The following ZNF362 variants were observed in gnomAD, a reference collection of about 807,000 sequenced individuals.
The protein encoded by ZNF362 is rotund homolog.
Under a neutral mutation model 42.9 loss-of-function variants are expected in ZNF362, and 11 were observed. That is an observed-to-expected ratio of 0.26 (90% confidence interval 0.16 to 0.42). The LOEUF is 0.42. Ranked by LOEUF, ZNF362 falls within the 20% of genes least tolerant of loss-of-function variation. ZNF362 has a pLI of 1.00. For synonymous variants in ZNF362, 255 were observed against 257.3 expected, an observed-to-expected ratio of 0.99 and a Z score of 0.09; for missense variants, 362 against 576.2, an observed-to-expected ratio of 0.63 and a Z score of 3.81.
chr1:33,168,582 TGA>T, the ZNF362 span, among the ~76,000 whole-genome samples: 2 of 152,194 alleles, frequency 1.3e-5, no homozygotes, highest in African/African-American at 4.8e-5. Flanking sequence ...TTGTCTTACA[TGA>T]GAGAGAAACG....
At chr1:33,170,662 A>G in the ZNF362 span, among the ~76,000 whole-genome samples, 1 of 152,002 alleles carries the variant, frequency 6.6e-6, no homozygotes, top group South Asian at 2.1e-4. Context: ...ACTTAGGAAA[A>G]CCAAACCCTA....
At chr1:33,153,851 C>A in the ZNF362 span, among the ~76,000 whole-genome samples, 1 of 152,202 alleles carries the variant, frequency 6.6e-6, no homozygotes, top group Non-Finnish European at 1.5e-5. Context: ...CATTTATCGA[C>A]AAACATTTGC....
the ZNF362 span, among the ~76,000 whole-genome samples, chr1:33,175,284 C>T: frequency 3.6e-4 from 54 of 151,914 alleles, no homozygotes; most frequent in East Asian, 7.0e-3. Context: ...TCAGGTGATC[C>T]GCCTGCCTTG....
At chr1:33,196,509 G>A in the ZNF362 span, among the ~76,000 whole-genome samples, 1 of 152,174 alleles carries the variant, frequency 6.6e-6, no homozygotes, top group African/African-American at 2.4e-5. Flanking sequence ...CCCACTGGAA[G>A]GTTATCAGGG....
intron 1 of ZNF362, among the ~76,000 whole-genome samples, chr1:33,262,526 C>G (rs1001176580): frequency 6.6e-6 from 1 of 152,002 alleles, no homozygotes; most frequent in Non-Finnish European, 1.5e-5. Context: ...CCAGGATGGT[C>G]TCGATCTCCT....
chr1:33,219,106 C>T, the ZNF362 span, among the ~76,000 whole-genome samples: 1 of 152,132 alleles, frequency 6.6e-6, no homozygotes, highest in African/African-American at 2.4e-5. Context: ...AACCTCTAAA[C>T]ATTGAAGAGA....
the ZNF362 span, among the ~76,000 whole-genome samples, chr1:33,133,876 CTGGG>C: frequency 2.0e-5 from 3 of 152,206 alleles, no homozygotes; most frequent in African/African-American, 7.2e-5. Context: ...TTAGAAGGTG[CTGGG>C]TACTTGCTTG....
the ZNF362 span, among the ~76,000 whole-genome samples, chr1:33,134,945 G>T: frequency 6.6e-6 from 1 of 152,142 alleles, no homozygotes; most frequent in African/African-American, 2.4e-5. Flanking sequence ...CCTGCCTCCA[G>T]CTGTGTTTCA....
the ZNF362 span, among the ~76,000 whole-genome samples, chr1:33,233,592 C>T: frequency 1.9e-4 from 29 of 152,082 alleles, no homozygotes; most frequent in Admixed American, 4.6e-4. Context: ...TTCGTAGAGA[C>T]GGGGTTTCAC....
chr1:33,165,537 A>T, the ZNF362 span: 15 of 1,610,696 alleles, frequency 9.3e-6, no homozygotes, highest in Non-Finnish European at 1.0e-5. The surrounding 1 kb of genome is among the most constrained non-coding windows in gnomAD (Gnocchi z 4.0). Flanking sequence ...CGCTGTCTTG[A>T]AGGGCCTGAA....
chr1:33,155,988 G>A, the ZNF362 span, among the ~76,000 whole-genome samples: 2 of 152,204 alleles, frequency 1.3e-5, no homozygotes, highest in East Asian at 1.9e-4. Flanking sequence ...GCCATCAGAA[G>A]AGAATCCCCC....
the ZNF362 span, among the ~76,000 whole-genome samples, chr1:33,183,605 C>G: frequency 6.6e-6 from 1 of 152,200 alleles, no homozygotes; most frequent in Non-Finnish European, 1.5e-5. Flanking sequence ...TTATGGTGGT[C>G]TCATTCCTCT....
chr1:33,205,358 G>A, the ZNF362 span, among the ~76,000 whole-genome samples: 1 of 151,956 alleles, frequency 6.6e-6, no homozygotes. Flanking sequence ...GGTGGTGCAC[G>A]CCTGTGGTCC....
At chr1:33,254,746 C>T (rs1292526545), upstream of ZNF362, among the ~76,000 whole-genome samples, 3 of 152,036 alleles carry the variant, frequency 2.0e-5, no homozygotes, top group Admixed American at 1.3e-4. Flanking sequence ...CCATATTGTG[C>T]GCTTGGGGAG....
At chr1:33,271,728 G>T (rs1390884554) in intron 2 of ZNF362, among the ~76,000 whole-genome samples, 2 of 150,634 alleles carry the variant, frequency 1.3e-5, no homozygotes, top group African/African-American at 5.0e-5. Flanking sequence ...GTGTCTGCAG[G>T]AGCATCTGGG....
chr1:33,293,155 C>T (rs527893543), intron 6 of ZNF362, among the ~76,000 whole-genome samples: 13 of 152,250 alleles, frequency 8.5e-5, no homozygotes, highest in African/African-American at 3.1e-4. Flanking sequence ...GCAGTTCGCT[C>T]GGGAGATTCC....
chr1:33,156,063 G>T, the ZNF362 span, among the ~76,000 whole-genome samples: 305 of 152,306 alleles, frequency 2.0e-3, no homozygotes, highest in African/African-American at 7.1e-3. Context: ...GGCTCCTGAA[G>T]ATGAACTGTC....
the ZNF362 span, among the ~76,000 whole-genome samples, chr1:33,157,127 C>T: frequency 3.0e-4 from 46 of 152,200 alleles, no homozygotes; most frequent in East Asian, 6.4e-3. Flanking sequence ...TCCACTGGCT[C>T]TCATCTCACT....
the ZNF362 span, among the ~76,000 whole-genome samples, chr1:33,135,952 G>A: frequency 2.9e-5 from 4 of 137,184 alleles, no homozygotes; most frequent in Admixed American, 2.9e-4. Flanking sequence ...CCACCCTGCC[G>A]GTAATGTATT....
Sources: allele counts gnomAD v4.1 joint callset (sites outside exome capture counted in the v4.1 genomes callset), GRCh38; gene constraint gnomAD v4.1.1; non-coding constraint Gnocchi (gnomAD v3.1); transcripts MANE v1.5; gene names NCBI Gene and HGNC (gene_info 2026-07-23, HGNC 2026-07-21).